SHQ1: variants seen among roughly 807,000 people sequenced by gnomAD.
SHQ1 encodes the protein SHQ1, H/ACA ribonucleoprotein assembly factor.
SHQ1 carries 49 observed loss-of-function variants against 53.8 expected under a neutral mutation model. The ratio of observed to expected loss-of-function variants is 0.91; its 90% confidence interval spans 0.72 to 1.16. SHQ1 has a LOEUF of 1.16. SHQ1 is among the 50% of genes most tolerant of loss of function. The probability of loss-of-function intolerance (pLI) is 0.00; values close to 1 mark genes in which losing one functional copy is unlikely to be tolerated. For missense variants in SHQ1, 738 were observed against 683.1 expected (o/e 1.08, Z -0.90); for synonymous variants, 243 against 251.0 (o/e 0.97, Z 0.30).
At chr3:72,737,232 C>G in the SHQ1 span, among the ~76,000 whole-genome samples, 4 of 151,580 alleles carry the variant, frequency 2.6e-5, no homozygotes, top group African/African-American at 9.7e-5. Flanking sequence ...GAGCTGAGAT[C>G]GTGCCACTGT....
chr3:72,751,296 C>T (rs1313288323), intron 10 of SHQ1, among the ~76,000 whole-genome samples: 1 of 151,752 alleles, frequency 6.6e-6, no homozygotes, highest in Non-Finnish European at 1.5e-5. Context: ...CCTGTAATCC[C>T]AGCCACTTGG....
intron 9 of SHQ1, chr3:72,794,167 T>A (rs1477946500): frequency 2.0e-5 from 3 of 152,242 alleles, no homozygotes; most frequent in African/African-American, 2.4e-5. Context: ...AAATACTGTA[T>A]ACTGAGTTCA....
intron 9 of SHQ1, among the ~76,000 whole-genome samples, chr3:72,812,467 GAA>G (rs1707154844): frequency 6.6e-6 from 1 of 152,074 alleles, no homozygotes; most frequent in Non-Finnish European, 1.5e-5. Flanking sequence ...ACTCCTCTCG[GAA>G]AAGAGTCTTT....
intron 9 of SHQ1, among the ~76,000 whole-genome samples, chr3:72,798,646 G>C (rs771414868): frequency 2.0e-5 from 3 of 152,216 alleles, no homozygotes; most frequent in African/African-American, 4.8e-5. Context: ...ACAAGATTGA[G>C]CTGTTTTAAA....
At chr3:72,739,108 C>A in the SHQ1 span, among the ~76,000 whole-genome samples, 1 of 152,364 alleles carries the variant, frequency 6.6e-6, no homozygotes, top group South Asian at 2.1e-4. Flanking sequence ...GCGGGGCCAT[C>A]CGGGAGCTGC....
At chr3:72,751,506 G>GTATATATATA (rs1312437115) in intron 10 of SHQ1, among the ~76,000 whole-genome samples, 46 of 117,442 alleles carry the variant, frequency 3.9e-4, no homozygotes, top group African/African-American at 4.9e-4. Flanking sequence ...GTGTGTGTGT[G>GTATATATATA]TGTATATATA....
intron 9 of SHQ1, among the ~76,000 whole-genome samples, chr3:72,801,349 T>C (rs1050481590): frequency 1.2e-4 from 18 of 152,326 alleles, no homozygotes; most frequent in African/African-American, 4.3e-4. Flanking sequence ...ATGCCCTTTG[T>C]GGTTTTAATT....
At chr3:72,792,852 G>A in intron 10 of SHQ1, 64 bp downstream of exon 10, 2 of 1,400,220 alleles carry the variant, frequency 1.4e-6, no homozygotes, top group South Asian at 1.2e-5. Context: ...CTTCCTCCTG[G>A]GTAAATAGGT....
At position 72,776,587 on chromosome 3, in the gene SHQ1, T is replaced by A. The variant is rs188026981; in HGVS notation, c.1181+16329A>T. 3.1e-4 allele frequency among the ~76,000 whole-genome samples: 47 copies of A among 152,196 alleles called. No individual in the cohort carries two copies. The East Asian group carries it at 7.7e-3, about 25-fold the overall frequency. ...ACAGGCAGTTTGTAAGTAATTTTTT[T>A]AAAAAAGTATTTACATCAGCAATAA... On this transcript the variant is annotated intron_variant, in intron 10 of 10. Transcript: ENST00000325599.
intron 10 of SHQ1, chr3:72,772,684 G>T: frequency 1.4e-6 from 1 of 725,080 alleles, no homozygotes. Context: ...CATCAAGTAA[G>T]AGCTTGATGG....
chr3:72,794,967 G>A (rs1307687738), intron 9 of SHQ1: 2 of 152,220 alleles, frequency 1.3e-5, no homozygotes, highest in East Asian at 3.8e-4. Context: ...CCACTGAGTT[G>A]AGGGACCAAG....
chr3:72,817,827 AAATTT>A (rs1179148260), intron 6 of SHQ1, among the ~76,000 whole-genome samples: 12 of 152,328 alleles, frequency 7.9e-5, no homozygotes, highest in African/African-American at 1.2e-4. Context: ...TGTTAAATTT[AAATTT>A]AATTTAATTA....
At chr3:72,845,316 T>A (rs985348862) in intron 1 of SHQ1, among the ~76,000 whole-genome samples, 1 of 151,872 alleles carries the variant, frequency 6.6e-6, no homozygotes, top group African/African-American at 2.4e-5. Flanking sequence ...AAACCCTATA[T>A]CTACTAAAAA....
intron 3 of SHQ1, among the ~76,000 whole-genome samples, 178 bp from the exon 4 acceptor site, chr3:72,841,377 G>C (rs1355936816): frequency 1.3e-5 from 2 of 150,354 alleles, no homozygotes; most frequent in South Asian, 2.1e-4. Context: ...AACCAAAAAT[G>C]TGGTATGTTC....
intron 10 of SHQ1, among the ~76,000 whole-genome samples, chr3:72,766,368 G>C (rs890327279): frequency 6.6e-6 from 1 of 152,008 alleles, no homozygotes; most frequent in African/African-American, 2.4e-5. Context: ...CCACCTCTGT[G>C]GGCCAACCTG....
Position 72,843,635 on chromosome 3 carries a change from C to A in SHQ1, c.208+724G>T, listed in dbSNP as rs182960751. Among the ~76,000 whole-genome samples, 232 of 152,302 alleles carry A rather than the reference C, an allele frequency of 1.5e-3. 1 individual carries two copies. The highest frequency in any genetic ancestry group is 5.3e-3 in the African/African-American group (221 of 41,568). On this transcript the variant is annotated intron_variant, in intron 2 of 10. Transcript: ENST00000325599. ...AATTTAATAATTTTGTTTCAATATG[C>A]AACTTACCTATAACTAAAAGCTGGT...
At chr3:72,820,748 A>G (rs1176195409) in intron 6 of SHQ1, among the ~76,000 whole-genome samples, 1 of 152,242 alleles carries the variant, frequency 6.6e-6, no homozygotes, top group Admixed American at 6.5e-5. Flanking sequence ...TTGGCTAATT[A>G]TACTTTTAAA....
chr3:72,775,742 C>A (rs1245986372), intron 10 of SHQ1, among the ~76,000 whole-genome samples: 1 of 151,656 alleles, frequency 6.6e-6, no homozygotes. Context: ...CGAATTTGTT[C>A]GAAATTTTAC....
intron 5 of SHQ1, among the ~76,000 whole-genome samples, chr3:72,831,122 G>C (rs1157145187): frequency 6.6e-6 from 1 of 152,132 alleles, no homozygotes; most frequent in East Asian, 1.9e-4. Flanking sequence ...GAGAGATAAA[G>C]GTAATTAGAA....
Sources: gnomAD v4.1 joint callset for allele counts (sites outside exome capture counted in the v4.1 genomes callset) on GRCh38, gnomAD v4.1.1 for gene constraint, MANE v1.5 for transcripts, NCBI Gene and HGNC (gene_info 2026-07-23, HGNC 2026-07-21) for gene names.